TMC1: variants seen among roughly 807,000 people sequenced by gnomAD.
TMC1 encodes the protein transmembrane channel like 1.
A neutral mutation model predicts 105.8 loss-of-function variants in TMC1; 84 were observed. That is an observed-to-expected ratio of 0.79 (90% CI 0.67 to 0.95). TMC1 has a LOEUF of 0.95. TMC1 is among the 40% of genes least tolerant of loss of function. TMC1 has a pLI of 0.00. For synonymous variants in TMC1, 315 were observed against 311.5 expected (o/e 1.01, Z -0.12); for missense variants, 817 against 914.1 (o/e 0.89, Z 1.37).
intron 8 of TMC1, among the ~76,000 whole-genome samples, chr9:72,732,063 A>G (rs1375507724): frequency 2.0e-5 from 3 of 152,246 alleles, no homozygotes; most frequent in Admixed American, 2.0e-4. Context: ...CTTAAAATAA[A>G]CAAAATTTAT....
intron 5 of TMC1, among the ~76,000 whole-genome samples, chr9:72,657,178 A>G (rs975457070): frequency 3.9e-5 from 6 of 152,234 alleles, no homozygotes; most frequent in African/African-American, 1.2e-4. Flanking sequence ...CCCTGAAATC[A>G]GAACTATGTC....
intron 5 of TMC1, among the ~76,000 whole-genome samples, chr9:72,685,870 G>C (rs919023648): frequency 6.6e-6 from 1 of 152,162 alleles, no homozygotes; most frequent in Non-Finnish European, 1.5e-5. Context: ...ATGTGGGTCA[G>C]AGAAAAAGGC....
intron 2 of TMC1, among the ~76,000 whole-genome samples, chr9:72,607,571 G>A (rs554744481): frequency 2.7e-5 from 4 of 149,410 alleles, no homozygotes; most frequent in East Asian, 2.0e-4. Context: ...AGCCGAGATC[G>A]CGCCACTGCA....
chr9:72,733,186 G>C (rs1160521083), intron 8 of TMC1, among the ~76,000 whole-genome samples: 1 of 151,660 alleles, frequency 6.6e-6, no homozygotes, highest in Non-Finnish European at 1.5e-5. Context: ...ATTATCTTCT[G>C]CTTGGAGAGA....
rs1230019632 is a variant in TMC1, at chr9:72,816,806, G to A, written c.1763+596G>A. ...TTGTCATATCTTTTATCAAATTAGA[G>A]CATTCTCACTGTAAACTTGACAGGT... On this transcript the variant is annotated intron_variant, in intron 19 of 23. Coordinates refer to ENST00000297784, the MANE Select transcript of TMC1 (RefSeq NM_138691.3). Among the ~76,000 whole-genome samples the A allele has an allele frequency of 2.0e-5, 3 of 152,174 alleles. No homozygotes were observed. The East Asian group carries it at 5.8e-4, about 29-fold the overall frequency.
intron 1 of TMC1, among the ~76,000 whole-genome samples, chr9:72,563,937 G>C (rs1824102593): frequency 6.6e-6 from 1 of 150,822 alleles, no homozygotes; most frequent in Non-Finnish European, 1.5e-5. Context: ...TAAATTGGGG[G>C]AGGGGAGGAG....
At chr9:72,791,203 C>A (rs533081598) in intron 15 of TMC1, among the ~76,000 whole-genome samples, 3 of 151,916 alleles carry the variant, frequency 2.0e-5, no homozygotes, top group Non-Finnish European at 2.9e-5. Flanking sequence ...CTCTCTCCCC[C>A]CTCTCCCCAC....
chr9:72,752,789 TG>T (rs1356815138), intron 11 of TMC1, among the ~76,000 whole-genome samples: 1 of 152,168 alleles, frequency 6.6e-6, no homozygotes, highest in Non-Finnish European at 1.5e-5. Flanking sequence ...TGGTTTTGGG[TG>T]ACTTTTTATC....
intron 18 of TMC1, among the ~76,000 whole-genome samples, chr9:72,809,622 G>A (rs187646456): frequency 6.6e-6 from 1 of 152,210 alleles, no homozygotes; most frequent in Non-Finnish European, 1.5e-5. Context: ...GGCCTGCAGG[G>A]TAGATTCAGC....
At chr9:72,788,240 G>T in intron 13 of TMC1, 99 bp from the exon 14 acceptor site, 4 of 1,255,190 alleles carry the variant, frequency 3.2e-6, no homozygotes, top group Admixed American at 1.8e-5. Flanking sequence ...ATGTCTTTTT[G>T]CTATTGCTTC....
chr9:72,744,398 C>A, intron 10 of TMC1, among the ~76,000 whole-genome samples: 1 of 151,882 alleles, frequency 6.6e-6, no homozygotes, highest in East Asian at 1.9e-4. Context: ...TAAATGTCTA[C>A]CAATCTAGGA....
At chr9:72,725,194 T>C (rs1827093048) in intron 8 of TMC1, among the ~76,000 whole-genome samples, 1 of 151,518 alleles carries the variant, frequency 6.6e-6, no homozygotes, top group African/African-American at 2.4e-5. Context: ...TTAAATAAGA[T>C]AAAAGTAGTT....
At chr9:72,602,185 G>A (rs773428870) in intron 2 of TMC1, among the ~76,000 whole-genome samples, 2 of 151,894 alleles carry the variant, frequency 1.3e-5, no homozygotes, top group Non-Finnish European at 2.9e-5. Flanking sequence ...GTTGTAGCTC[G>A]TTTAATCCTC....
intron 14 of TMC1, among the ~76,000 whole-genome samples, 194 bp downstream of exon 14, chr9:72,788,677 T>G (rs1828211356): frequency 6.6e-6 from 1 of 152,170 alleles, no homozygotes; most frequent in African/African-American, 2.4e-5. Flanking sequence ...GCACTATTAT[T>G]CCTTAAACAC....
intron 1 of TMC1, among the ~76,000 whole-genome samples, chr9:72,550,225 T>C (rs1314399787): frequency 1.3e-5 from 2 of 151,104 alleles, no homozygotes; most frequent in East Asian, 4.0e-4. Context: ...CCCAGCACTT[T>C]GGGAAGCCGA....
intron 17 of TMC1, among the ~76,000 whole-genome samples, chr9:72,799,243 C>T (rs1828427730): frequency 6.6e-6 from 1 of 152,036 alleles, no homozygotes; most frequent in Non-Finnish European, 1.5e-5. Context: ...TGTCATAAAG[C>T]TTCTGTATGT....
chr9:72,806,694 C>T (rs939929544), intron 18 of TMC1, among the ~76,000 whole-genome samples: 3 of 151,492 alleles, frequency 2.0e-5, no homozygotes, highest in Non-Finnish European at 2.9e-5. Flanking sequence ...CTCCTCACTT[C>T]CTAGATGTGA....
At chr9:72,522,732 T>C (rs1823334569) in intron 1 of TMC1, among the ~76,000 whole-genome samples, 2 of 152,204 alleles carry the variant, frequency 1.3e-5, no homozygotes, top group Admixed American at 1.3e-4. Context: ...AAATTTCAAA[T>C]GTAATATTAA....
At chr9:72,626,506 T>C (rs1296187142) in intron 3 of TMC1, among the ~76,000 whole-genome samples, 2 of 151,908 alleles carry the variant, frequency 1.3e-5, no homozygotes, top group Non-Finnish European at 2.9e-5. Context: ...GTAACAACAC[T>C]GAAGAGAGCA....
Sources: gnomAD v4.1 joint callset for allele counts (sites outside exome capture counted in the v4.1 genomes callset) on GRCh38, gnomAD v4.1.1 for gene constraint, MANE v1.5 for transcripts, NCBI Gene and HGNC (gene_info 2026-07-23, HGNC 2026-07-21) for gene names.